Variants in PPP1R14C observed in about 807,000 individuals in gnomAD.
PPP1R14C encodes the protein protein phosphatase 1 regulatory subunit 14C.
PPP1R14C carries 16 observed loss-of-function variants against 20.4 expected under a neutral mutation model. The observed-to-expected ratio is 0.78, with a 90% CI of 0.53 to 1.19. The LOEUF is 1.19. Ranked by LOEUF, PPP1R14C falls within the 50% of genes most tolerant of loss-of-function variation. The pLI is 0.00. For synonymous variants in PPP1R14C, 91 were observed against 91.0 expected (o/e 1.00, Z 0.00); for missense variants, 211 against 220.1 (o/e 0.96, Z 0.26).
intron 3 of PPP1R14C, among the ~76,000 whole-genome samples, chr6:150,217,748 A>G (rs1480559859): frequency 6.6e-6 from 1 of 152,202 alleles, no homozygotes; most frequent in Non-Finnish European, 1.5e-5. Context: ...TTCCTCTGAT[A>G]AATTGGAGAA....
chr6:150,161,661 T>A (rs2343535), intron 1 of PPP1R14C, among the ~76,000 whole-genome samples: 1 of 139,000 alleles, frequency 7.2e-6, no homozygotes, highest in Non-Finnish European at 1.6e-5. Context: ...GTTAACTCAA[T>A]CCCTATGGGA....
intron 1 of PPP1R14C, among the ~76,000 whole-genome samples, chr6:150,187,400 G>C (rs1777690553): frequency 6.6e-6 from 1 of 151,888 alleles, no homozygotes; most frequent in Admixed American, 6.6e-5. Context: ...TTGTCACCCA[G>C]GTATTAAGAT....
At chr6:150,159,112 C>T (rs375228910) in intron 1 of PPP1R14C, among the ~76,000 whole-genome samples, 107 of 152,344 alleles carry the variant, frequency 7.0e-4, no homozygotes, top group African/African-American at 2.5e-3. Flanking sequence ...TCTTCAACTT[C>T]CTTCTGGAGC....
chr6:150,224,229 C>T (rs1170785513), intron 3 of PPP1R14C, among the ~76,000 whole-genome samples: 1 of 152,204 alleles, frequency 6.6e-6, no homozygotes, highest in Non-Finnish European at 1.5e-5. Context: ...ACCAATACCA[C>T]ACTGTCCTGA....
chr6:150,173,130 T>C (rs1777517127), intron 1 of PPP1R14C, among the ~76,000 whole-genome samples: 1 of 152,228 alleles, frequency 6.6e-6, no homozygotes, highest in Non-Finnish European at 1.5e-5. Context: ...GACATTTTCC[T>C]GTGCATTTCT....
rs370393131 is a variant in PPP1R14C, at chr6:150,146,008, C to T, written c.306+2510C>T. Among the ~76,000 whole-genome samples the T allele has an allele frequency of 4.5e-4, 68 of 152,282 alleles. 1 individual carries two copies. In the South Asian group the frequency reaches 0.012, roughly 27 times the overall value. ...AAGAGGAAAGAAGAAATACACAGAA[C>T]CACTTTCTGTCTGTGTTTTTTTCTG... is the stretch of plus-strand genomic sequence containing the variant. On this transcript the variant is annotated intron_variant, in intron 1 of 3. Coordinates refer to ENST00000361131, the MANE Select transcript of PPP1R14C (RefSeq NM_030949.3).
At chr6:150,210,665 A>G (rs957187623) in intron 1 of PPP1R14C, among the ~76,000 whole-genome samples, 1 of 152,230 alleles carries the variant, frequency 6.6e-6, no homozygotes, top group Non-Finnish European at 1.5e-5. Flanking sequence ...AAGTTGACGG[A>G]CAGCTTTAAA....
intron 3 of PPP1R14C, among the ~76,000 whole-genome samples, chr6:150,247,005 G>GT (rs1675220865): frequency 6.6e-6 from 1 of 152,128 alleles, no homozygotes; most frequent in Non-Finnish European, 1.5e-5. Context: ...GTTGCTGGTT[G>GT]TATTTTCCAG....
intron 1 of PPP1R14C, among the ~76,000 whole-genome samples, chr6:150,161,987 A>G (rs927931553): frequency 1.3e-5 from 2 of 152,006 alleles, no homozygotes; most frequent in African/African-American, 4.8e-5. Flanking sequence ...ATCATACAGA[A>G]CAGTTGCACC....
At chr6:150,163,845 G>A (rs980860791) in intron 1 of PPP1R14C, among the ~76,000 whole-genome samples, 3 of 152,122 alleles carry the variant, frequency 2.0e-5, no homozygotes, top group African/African-American at 4.8e-5. Flanking sequence ...ATATTATTGC[G>A]TATGTCTTTT....
chr6:150,214,606 G>A (rs1436029507), intron 1 of PPP1R14C, 138 bp from the exon 2 acceptor site: 6 of 550,642 alleles, frequency 1.1e-5, no homozygotes, highest in African/African-American at 2.2e-5. Context: ...TCTCCCCCTA[G>A]CCTCTCCTTC....
intron 3 of PPP1R14C, among the ~76,000 whole-genome samples, chr6:150,240,643 G>T (rs1271993978): frequency 6.6e-6 from 1 of 152,176 alleles, no homozygotes; most frequent in Non-Finnish European, 1.5e-5. Context: ...TGCGGGAGAG[G>T]ACCTATCAGA....
intron 3 of PPP1R14C, among the ~76,000 whole-genome samples, chr6:150,236,769 G>A (rs1208106959): frequency 6.6e-6 from 1 of 152,164 alleles, no homozygotes; most frequent in Non-Finnish European, 1.5e-5. Flanking sequence ...TGAGACGGGA[G>A]GTCGCACAGT....
intron 1 of PPP1R14C, among the ~76,000 whole-genome samples, chr6:150,202,484 C>T (rs1461424879): frequency 6.6e-6 from 1 of 152,258 alleles, no homozygotes; most frequent in Non-Finnish European, 1.5e-5. Flanking sequence ...AGGTTTGGGG[C>T]AGGCCCGTGT....
intron 1 of PPP1R14C, among the ~76,000 whole-genome samples, chr6:150,145,806 C>T (rs1777174205): frequency 6.6e-6 from 1 of 152,196 alleles, no homozygotes; most frequent in Non-Finnish European, 1.5e-5. Flanking sequence ...ATTTCCCAGC[C>T]TTCAAACCTC....
At chr6:150,173,718 C>A (rs188488158) in intron 1 of PPP1R14C, among the ~76,000 whole-genome samples, 5 of 152,036 alleles carry the variant, frequency 3.3e-5, no homozygotes, top group South Asian at 2.1e-4. Context: ...AGAATAATGC[C>A]GATGCCAGCC....
intron 1 of PPP1R14C, among the ~76,000 whole-genome samples, chr6:150,187,426 A>C (rs1777690852): frequency 6.6e-6 from 1 of 151,940 alleles, no homozygotes; most frequent in Non-Finnish European, 1.5e-5. Flanking sequence ...CCCATTAGTT[A>C]CTTTTTCCTG....
chr6:150,163,442 T>C (rs1252908057), intron 1 of PPP1R14C, among the ~76,000 whole-genome samples: 1 of 152,132 alleles, frequency 6.6e-6, no homozygotes, highest in African/African-American at 2.4e-5. Context: ...ACATACAAAG[T>C]ACACAAAACC....
intron 1 of PPP1R14C, among the ~76,000 whole-genome samples, chr6:150,196,726 T>A (rs1287323578): frequency 1.2e-4 from 18 of 152,256 alleles, no homozygotes; most frequent in Admixed American, 1.0e-3. Flanking sequence ...CCTGTCCATC[T>A]GCTGTGACTT....
Sources: allele counts gnomAD v4.1 joint callset (sites outside exome capture counted in the v4.1 genomes callset), GRCh38; gene constraint gnomAD v4.1.1; transcripts MANE v1.5; gene names NCBI Gene and HGNC (gene_info 2026-07-23, HGNC 2026-07-21).